OR51B5: variants seen among roughly 807,000 people sequenced by gnomAD.
The protein encoded by OR51B5 is olfactory receptor 51B5.
For missense variants in OR51B5, 456 were observed against 374.6 expected (o/e 1.22, Z -1.79); for synonymous variants, 186 against 144.8 (o/e 1.28, Z -2.04).
At chr11:5,472,122 C>A (rs934215048) in intron 1 of OR51B5, among the ~76,000 whole-genome samples, 1 of 152,174 alleles carries the variant, frequency 6.6e-6, no homozygotes, top group African/African-American at 2.4e-5. Flanking sequence ...AGAAGATGCA[C>A]CTCTGAGCCA....
intron 1 of OR51B5, among the ~76,000 whole-genome samples, chr11:5,407,183 T>G (rs1238045574): frequency 6.6e-6 from 1 of 152,124 alleles, no homozygotes; most frequent in Non-Finnish European, 1.5e-5. Flanking sequence ...CAGGATATAT[T>G]CATTTTGTGA....
chr11:5,485,550 C>T (rs1851486078), intron 1 of OR51B5, among the ~76,000 whole-genome samples: 1 of 152,142 alleles, frequency 6.6e-6, no homozygotes, highest in Admixed American at 6.5e-5. Flanking sequence ...GAGTGAAAGT[C>T]AAAGTCCCTT....
chr11:5,354,963 A>G, intron 1 of OR51B5: 1 of 160,752 alleles, frequency 6.2e-6, no homozygotes, highest in Non-Finnish European at 1.4e-5. Context: ...CTGGGCAGGA[A>G]GGTGTGAAAA....
rs534819094 is a variant in OR51B5, at chr11:5,402,502, T to C, written n.85-55592A>G. 4.6e-4 allele frequency: 168 copies of C among 365,780 alleles called. 1 individual carries two copies. Among genetic ancestry groups the C allele is most frequent in the African/African-American group, 3.4e-3 (158 of 46,944 alleles). 22.7% of individuals were successfully genotyped at this position (365,780 alleles called of 1,614,324 possible). ...GAGTTTGCTTTTTTCTTCCCTTCCC[T>C]CAGTGCCCAGTTGTCTTTCTTCATA... On this transcript the variant is annotated intron_variant and non_coding_transcript_variant, in intron 1 of 4. Coordinates refer to the OR51B5 transcript ENST00000415970.
Position 5,360,691 on chromosome 11 carries a change from T to C in OR51B5, n.85-13781A>G, listed in dbSNP as rs372830698. On this transcript the variant is annotated intron_variant and non_coding_transcript_variant, in intron 1 of 4. Transcript: ENST00000415970. The stretch of plus-strand genomic sequence containing the variant: ...ATGCTGCTATAAAGACACATGCACA[T>C]GTATGTTTATTGTGGCACTATTCAC... Among the ~76,000 whole-genome samples, 139 of 151,962 alleles carry C rather than the reference T, an allele frequency of 9.1e-4. 1 individual carries two copies. Among genetic ancestry groups the C allele is most frequent in the Non-Finnish European group, 1.4e-3 (95 of 67,964 alleles).
intron 1 of OR51B5, among the ~76,000 whole-genome samples, chr11:5,374,228 G>A (rs887946262): frequency 2.6e-5 from 4 of 152,152 alleles, no homozygotes; most frequent in Non-Finnish European, 5.9e-5. Context: ...ACAGGGTCTG[G>A]AGTGGACCTC....
In OR51B5 at chr11:5,440,901, A is replaced by G. The variant is rs143586798; in HGVS notation, n.84+64668T>C. ...TGAGTCCATACCATAGGTAAAAATG[A>G]TCACCAAGAGCCCATAAATGTTGTT... On this transcript the variant is annotated intron_variant and non_coding_transcript_variant, in intron 1 of 4. Coordinates refer to the OR51B5 transcript ENST00000415970. 12 of 1,613,836 alleles carry G rather than the reference A, an allele frequency of 7.4e-6. No homozygotes were observed. In the African/African-American group the frequency reaches 1.5e-4, roughly 20 times the overall value.
At chr11:5,428,995 A>G (rs1269043140) in intron 1 of OR51B5, among the ~76,000 whole-genome samples, 1 of 152,164 alleles carries the variant, frequency 6.6e-6, no homozygotes, top group Non-Finnish European at 1.5e-5. Context: ...TATAGTTAAC[A>G]TTGCTACTGT....
chr11:5,505,504 C>T (rs1025466473), intron 1 of OR51B5: 17 of 1,272,080 alleles, frequency 1.3e-5, no homozygotes, highest in Admixed American at 1.0e-4. Flanking sequence ...TCCGTTTTCA[C>T]GCTGCTAATG....
At chr11:5,501,718 T>C (rs1846293084) in intron 1 of OR51B5, among the ~76,000 whole-genome samples, 1 of 148,500 alleles carries the variant, frequency 6.7e-6, no homozygotes. Flanking sequence ...TTTGATTATA[T>C]GCACAGAATT....
intron 1 of OR51B5, among the ~76,000 whole-genome samples, chr11:5,378,073 A>G (rs1169911711): frequency 6.6e-6 from 1 of 152,126 alleles, no homozygotes; most frequent in Non-Finnish European, 1.5e-5. Context: ...CTACAAGGCT[A>G]CAGTAACCAA....
intron 1 of OR51B5, among the ~76,000 whole-genome samples, chr11:5,498,822 T>C (rs1851684465): frequency 6.6e-6 from 1 of 152,180 alleles, no homozygotes; most frequent in African/African-American, 2.4e-5. Flanking sequence ...AAAAATCTCC[T>C]CTTTAAATTC....
chr11:5,380,911 G>A (rs1371304779), intron 1 of OR51B5, among the ~76,000 whole-genome samples: 5 of 152,064 alleles, frequency 3.3e-5, no homozygotes, highest in Non-Finnish European at 7.4e-5. Flanking sequence ...CAGAATTTAA[G>A]CCTATCCTTG....
intron 1 of OR51B5, among the ~76,000 whole-genome samples, chr11:5,476,683 T>A (rs1481819842): frequency 1.3e-5 from 2 of 152,242 alleles, no homozygotes; most frequent in African/African-American, 4.8e-5. Flanking sequence ...GTCTTGGATT[T>A]GGGATTCAGA....
intron 1 of OR51B5, among the ~76,000 whole-genome samples, chr11:5,461,491 T>C (rs1238094121): frequency 6.6e-6 from 1 of 152,142 alleles, no homozygotes; most frequent in Non-Finnish European, 1.5e-5. Flanking sequence ...ACTTGCCCTG[T>C]CCCGTGGGCA....
At chr11:5,440,572 A>G in intron 1 of OR51B5, 1 of 1,610,482 alleles carries the variant, frequency 6.2e-7, no homozygotes, top group Non-Finnish European at 8.5e-7. Context: ...AGCCTTCCTC[A>G]GGCCTGGGAT....
At chr11:5,440,514 T>G in intron 1 of OR51B5, 1 of 1,251,074 alleles carries the variant, frequency 8.0e-7, no homozygotes, top group Non-Finnish European at 1.1e-6. Context: ...ATTCCTTAAG[T>G]TGTTAACATG....
At chr11:5,459,434 A>C (rs1180472496) in intron 1 of OR51B5, among the ~76,000 whole-genome samples, 2 of 150,620 alleles carry the variant, frequency 1.3e-5, no homozygotes, top group Non-Finnish European at 2.9e-5. Flanking sequence ...AATATATTGT[A>C]TCTCTGCCAG....
intron 1 of OR51B5, among the ~76,000 whole-genome samples, chr11:5,415,157 A>G (rs1172844320): frequency 3.3e-5 from 5 of 152,100 alleles, no homozygotes; most frequent in Admixed American, 6.6e-5. Context: ...AAACTGAACA[A>G]CCTGCTCCTG....
Sources: gnomAD v4.1 joint callset for allele counts (sites outside exome capture counted in the v4.1 genomes callset) on GRCh38, gnomAD v4.1.1 for gene constraint, MANE v1.5 for transcripts, NCBI Gene and HGNC (gene_info 2026-07-23, HGNC 2026-07-21) for gene names.